DNMT3A: variants seen among roughly 807,000 people sequenced by gnomAD.
DNMT3A encodes DNA (cytosine-5)-methyltransferase 3A.
DNMT3A carries 267 observed loss-of-function variants against 117.6 expected under a neutral mutation model. The observed-to-expected ratio is 2.27, with a 90% CI of 2.05 to 2.51. The LOEUF (loss-of-function observed/expected upper bound fraction) is 2.51, where lower values mean the gene tolerates loss of function less well. Among genes scored for constraint, DNMT3A ranks in the 30% most tolerant of loss-of-function variants. The probability of loss-of-function intolerance (pLI) is 0.00; values close to 1 mark genes in which losing one functional copy is unlikely to be tolerated. For synonymous variants in DNMT3A, 432 were observed against 474.8 expected (o/e 0.91, Z 1.17); for missense variants, 1,029 against 1,260.2 (o/e 0.82, Z 2.78).
rs1360086489 is a variant in DNMT3A, at chr2:25,313,923, T to C, written c.62A>G (p.Glu21Gly). The change falls in exon 2 of 23, where the codon GAG becomes GGG. Residue 21 changes from glutamate (E) to glycine (G), a missense_variant. Physicochemically the swap from Glu to Gly is moderately conservative, Grantham distance 98 (BLOSUM62 -2). Coordinates refer to ENST00000321117, the MANE Select transcript of DNMT3A (RefSeq NM_022552.5). ...GAGCCCGCTGCTCACCTTTCGGTCC[T>C]CCTCCCGCTCCGCAGCAGAGCTGCT... ...DTSSSAAERE[E>G]DRKDGEEQEE... 60 of 1,549,606 alleles carry C rather than the reference T, an allele frequency of 3.9e-5. No homozygotes were observed. Among genetic ancestry groups the C allele is most frequent in the Non-Finnish European group, 5.1e-5 (59 of 1,146,962 alleles).
chr2:25,248,138 C>A lies in DNMT3A; in HGVS notation c.754G>T (p.Asp252Tyr). ...ASPPAVQQPT[D>Y]PASPTVATTP... Reference sequence around the variant, plus strand: ...GTAGCCACAGTGGGGGATGCGGGGTCAGTGGGCTGCTGCACAGCAGGAGGG... The same window carrying A: ...GTAGCCACAGTGGGGGATGCGGGGTAAGTGGGCTGCTGCACAGCAGGAGGG... Residue 252 changes from aspartate to tyrosine, a missense_variant, in exon 7 of 23, where the codon GAC becomes TAC. Coordinates refer to ENST00000321117, the MANE Select transcript of DNMT3A (RefSeq NM_022552.5). 1.2e-6 allele frequency: 2 copies of A among 1,613,780 alleles called. No individual in the cohort carries two copies. The highest frequency in any genetic ancestry group is 1.7e-6 in the Non-Finnish European group (2 of 1,179,940).
chr2:25,261,205 G>A (rs1317246793), intron 6 of DNMT3A, among the ~76,000 whole-genome samples: 1 of 152,068 alleles, frequency 6.6e-6, no homozygotes, highest in Non-Finnish European at 1.5e-5. Flanking sequence ...TTGGGAGGCT[G>A]AGGTGGGTGG....
intron 5 of DNMT3A, 125 bp downstream of exon 5, chr2:25,275,375 C>T: frequency 7.2e-7 from 1 of 1,392,934 alleles, no homozygotes; most frequent in Non-Finnish European, 9.8e-7. Context: ...ACTTCCTCTC[C>T]TTCCCACAGA....
chr2:25,243,945 T>TTC lies in DNMT3A; in HGVS notation c.1887_1888dup (p.Lys630ArgfsTer22). On this transcript the variant is annotated frameshift_variant, in exon 16 of 23. Coordinates refer to ENST00000321117, the MANE Select transcript of DNMT3A (RefSeq NM_022552.5). LOFTEE classifies it high-confidence loss of function. ...AGACAGCACCCGGATGGGCTTCCTCTTCTCAGCTGGGACAGGTGGGTAAAC... is the reference window on the plus strand; with the variant it reads ...AGACAGCACCCGGATGGGCTTCCTCTTCTCTCAGCTGGGACAGGTGGGTAAAC... The TTC allele has an allele frequency of 6.4e-7, 1 of 1,552,802 alleles. No homozygotes were observed. The highest frequency in any genetic ancestry group is 8.7e-7 in the Non-Finnish European group (1 of 1,147,434).
At chr2:25,284,645 T>TAAAAAAAAAAAAAAAAAAAAAAAA (rs56901099) in intron 3 of DNMT3A, among the ~76,000 whole-genome samples, 1 of 16,646 alleles carries the variant, frequency 6.0e-5, no homozygotes. Context: ...AGACTCCATC[T>TAAAAAAAAAAAAAAAAAAAAAAAA]AAAAAAAAAA....
chr2:25,300,712 A>AATATATATAT (rs3039391), intron 2 of DNMT3A, among the ~76,000 whole-genome samples: 1 of 18,934 alleles, frequency 5.3e-5, no homozygotes, highest in Non-Finnish European at 1.0e-4. Flanking sequence ...TAAATAATAT[A>AATATATATAT]ATATATATAT....
In DNMT3A at chr2:25,247,682, C is replaced by T; in HGVS notation, c.923G>A (p.Gly308Asp). 2 of 1,613,974 alleles carry T rather than the reference C, an allele frequency of 1.2e-6. No homozygotes were observed. The highest frequency in any genetic ancestry group is 1.7e-6 in the Non-Finnish European group (2 of 1,180,026). ...GKLRGFSWWPGRIVSWWMTGR... is the reference protein window; with the variant it reads ...GKLRGFSWWPDRIVSWWMTGR... ...CGTCATCCACCAAGACACAATGCGG[C>T]CTGGCCACCAGGAGAAGCCCCGCAG... Residue 308 changes from glycine (G) to aspartate (D), a missense_variant, in exon 8 of 23, where the codon GGC becomes GAC. Physicochemically the swap from Gly to Asp is moderately conservative, Grantham distance 94. Coordinates refer to ENST00000321117, the MANE Select transcript of DNMT3A (RefSeq NM_022552.5). This position sits in a 1 kb window ranked among gnomAD's most constrained non-coding sequence, Gnocchi z 5.6.
rs544067198 is a variant in DNMT3A at position 25,314,458 on chromosome 2, G to A, written c.-177-297C>T. ...GCCTCCTCCCTTCTCTTCATTCACA[G>A]CCTCTCTCTCCTTTGAAAGCTTCCC... On this transcript the variant is annotated intron_variant, in intron 1 of 22. Coordinates refer to ENST00000321117, the MANE Select transcript of DNMT3A (RefSeq NM_022552.5). 5.1e-6 allele frequency: 5 copies of A among 985,304 alleles called. No individual in the cohort carries two copies. The Admixed American group carries it at 1.8e-4, about 36-fold the overall frequency. 61.0% of individuals were successfully genotyped at this position (985,304 alleles called of 1,614,324 possible).
At chr2:25,330,744 CCT>C (rs1316761011) in intron 1 of DNMT3A, among the ~76,000 whole-genome samples, 2 of 152,242 alleles carry the variant, frequency 1.3e-5, no homozygotes, top group South Asian at 2.1e-4. Context: ...CAACATCCCC[CCT>C]GTCCCCCATG....
At chr2:25,297,878 T>C (rs954858609) in intron 3 of DNMT3A, among the ~76,000 whole-genome samples, 19 of 152,226 alleles carry the variant, frequency 1.2e-4, no homozygotes, top group African/African-American at 4.3e-4. Flanking sequence ...CAGGTTTTAC[T>C]GGCAGCCATA....
In DNMT3A at chr2:25,252,449, A is replaced by C; in HGVS notation, c.640-4197T>G. 1 of 406,314 alleles carries C rather than the reference A, an allele frequency of 2.5e-6. No homozygotes were observed. The highest frequency in any genetic ancestry group is 4.4e-6 in the Non-Finnish European group (1 of 228,800). The allele number at this position is 406,314 out of a possible 1,614,324, so 25.2% of individuals were successfully genotyped here. A position where few individuals can be genotyped will look rare whatever the true frequency, so the allele number is the denominator to read the frequency against. ...GCCCGGGGAGGGGGCCGGCGCTCCG[A>C]CGCTGGCGCTGGGCCAGCCCCTCTT... On this transcript the variant is annotated intron_variant, in intron 6 of 22. Transcript: ENST00000321117. The surrounding 1 kb of genome is among the most constrained non-coding windows in gnomAD (Gnocchi z 5.5).
intron 20 of DNMT3A, among the ~76,000 whole-genome samples, chr2:25,238,529 C>T (rs114232063): frequency 5.1e-4 from 77 of 152,280 alleles, no homozygotes; most frequent in African/African-American, 1.8e-3. Context: ...CAATTTATTT[C>T]GCCTAAAAAG....
Position 25,234,300 on chromosome 2 carries a change from C to CT in DNMT3A, c.2717dup (p.Glu907GlyfsTer14). 6.2e-7 allele frequency: 1 copy of CT among 1,613,952 alleles called. No homozygotes were observed. Among genetic ancestry groups the CT allele is most frequent in the Non-Finnish European group, 8.5e-7 (1 of 1,179,918 alleles). On this transcript the variant is annotated frameshift_variant, in exon 23 of 23. Transcript: ENST00000321117. LOFTEE classifies it high-confidence loss of function. This position sits in a 1 kb window ranked among gnomAD's most constrained non-coding sequence, Gnocchi z 4.5. ...TCCCTTACACACACGCAAAATACTC[C>CT]TTCAGCGGAGCGAAGAGGTGGCGGA...
chr2:25,249,859 C>T, intron 6 of DNMT3A: 1 of 1,004,866 alleles, frequency 1.0e-6, no homozygotes, highest in Non-Finnish European at 1.5e-6. Context: ...GGGAGAAAAC[C>T]CCATTTTCTA....
chr2:25,292,029 C>A (rs185091905), intron 3 of DNMT3A, among the ~76,000 whole-genome samples: 1 of 151,802 alleles, frequency 6.6e-6, no homozygotes, highest in Non-Finnish European at 1.5e-5. Flanking sequence ...CCGAGGCGGG[C>A]GGATCATCTG....
chr2:25,280,498 A>G (rs2031811080), intron 4 of DNMT3A, among the ~76,000 whole-genome samples: 1 of 150,214 alleles, frequency 6.7e-6, no homozygotes, highest in Non-Finnish European at 1.5e-5. Context: ...CTCTCCCTCT[A>G]CCCCTCACCC....
intron 20 of DNMT3A, among the ~76,000 whole-genome samples, chr2:25,238,361 G>T (rs142527684): frequency 1.3e-5 from 2 of 152,202 alleles, no homozygotes; most frequent in East Asian, 3.9e-4. Context: ...TTTGACCGAG[G>T]CCAGGTGAAA....
At chr2:25,303,507 C>G (rs1383786907) in intron 2 of DNMT3A, among the ~76,000 whole-genome samples, 1 of 152,248 alleles carries the variant, frequency 6.6e-6, no homozygotes, top group Non-Finnish European at 1.5e-5. Flanking sequence ...GGCCACCTCT[C>G]CAGGTCCTGA....
At chr2:25,332,139 T>C (rs1362588712) in intron 1 of DNMT3A, among the ~76,000 whole-genome samples, 2 of 152,218 alleles carry the variant, frequency 1.3e-5, no homozygotes, top group Non-Finnish European at 2.9e-5. Flanking sequence ...GCTCTCGTCC[T>C]CGATGCCCTA....
Sources: allele counts gnomAD v4.1 joint callset (sites outside exome capture counted in the v4.1 genomes callset), GRCh38; gene constraint gnomAD v4.1.1; non-coding constraint Gnocchi (gnomAD v3.1); transcripts MANE v1.5; gene names NCBI Gene and HGNC (gene_info 2026-07-23, HGNC 2026-07-21).